SSBP2: variants seen among roughly 807,000 people sequenced by gnomAD.
SSBP2 encodes the protein single-stranded DNA-binding protein 2.
SSBP2 carries 17 observed loss-of-function variants against 61.8 expected under a neutral mutation model. That is an observed-to-expected ratio of 0.28 (90% confidence interval 0.19 to 0.41). The LOEUF is 0.41. Among genes scored for constraint, SSBP2 ranks in the 10% least tolerant of loss-of-function variants. The probability of loss-of-function intolerance (pLI) is 1.00; values close to 1 mark genes in which losing one functional copy is unlikely to be tolerated. For missense variants in SSBP2, 310 were observed against 458.7 expected (o/e 0.68, Z 2.96); for synonymous variants, 139 against 141.3 (o/e 0.98, Z 0.12).
chr5:81,692,622 G>A (rs1289898844), intron 1 of SSBP2, among the ~76,000 whole-genome samples: 3 of 152,150 alleles, frequency 2.0e-5, no homozygotes, highest in African/African-American at 7.2e-5. Flanking sequence ...CACAGCTATA[G>A]TAACCCAAAC....
intron 4 of SSBP2, among the ~76,000 whole-genome samples, chr5:81,567,072 T>C (rs1376078028): frequency 6.6e-6 from 1 of 152,206 alleles, no homozygotes; most frequent in Non-Finnish European, 1.5e-5. Context: ...AAATCCCATT[T>C]TCTGAGGAGA....
chr5:81,611,410 T>C (rs1411958230), intron 4 of SSBP2, among the ~76,000 whole-genome samples: 2 of 152,192 alleles, frequency 1.3e-5, no homozygotes, highest in African/African-American at 2.4e-5. Context: ...TATAAAAATA[T>C]GACTCTACAA....
At chr5:81,723,470 G>A (rs556509456) in intron 1 of SSBP2, among the ~76,000 whole-genome samples, 1 of 151,936 alleles carries the variant, frequency 6.6e-6, no homozygotes, top group African/African-American at 2.4e-5. Flanking sequence ...TATTCACAAT[G>A]GTACATAAAA....
Position 81,417,244 on chromosome 5 carries a change from G to C in SSBP2, c.*3260C>G, listed in dbSNP as rs1761345460. On this transcript the variant is annotated 3_prime_UTR_variant, in exon 17 of 17. Transcript: ENST00000320672. ...ACTCCATACTGGAACATTTTCAAAG[G>C]AGTGCTAATAAGATTCACCCATCAA... 1 of 152,142 alleles carries C rather than the reference G, an allele frequency of 6.6e-6. No homozygotes were observed. Among genetic ancestry groups the C allele is most frequent in the Non-Finnish European group, 1.5e-5 (1 of 68,032 alleles). The allele number at this position is 152,142 out of a possible 1,614,324, so 9.4% of individuals were successfully genotyped here.
intron 4 of SSBP2, among the ~76,000 whole-genome samples, chr5:81,552,026 CACTT>C (rs1318582658): frequency 6.6e-5 from 10 of 152,272 alleles, no homozygotes; most frequent in South Asian, 4.1e-4. Flanking sequence ...ACTGTGATCT[CACTT>C]ACATTCCTTT....
chr5:81,471,836 T>TC (rs911762695), intron 8 of SSBP2, among the ~76,000 whole-genome samples: 2 of 151,752 alleles, frequency 1.3e-5, no homozygotes, highest in Admixed American at 6.6e-5. Context: ...GTTTTTTTTT[T>TC]CCTATAATAT....
Position 81,416,297 on chromosome 5 carries a change from G to C in SSBP2, c.*4207C>G, listed in dbSNP as rs1304588601. 6.6e-6 allele frequency: 1 copy of C among 152,076 alleles called. No homozygotes were observed. Among genetic ancestry groups the C allele is most frequent in the African/African-American group, 2.4e-5 (1 of 41,428 alleles). 9.4% of individuals were successfully genotyped at this position (152,076 alleles called of 1,614,324 possible). A position where few individuals can be genotyped will look rare whatever the true frequency, so the allele number is the denominator to read the frequency against. On this transcript the variant is annotated 3_prime_UTR_variant, in exon 17 of 17. Coordinates refer to ENST00000320672, the MANE Select transcript of SSBP2 (RefSeq NM_012446.5). Reference sequence around the variant, plus strand: ...ATGCATTCCAAAATCAAAATCAAGTGGCTATGATTTGTGGCACTCCTTCGA... The same window carrying C: ...ATGCATTCCAAAATCAAAATCAAGTCGCTATGATTTGTGGCACTCCTTCGA...
intron 1 of SSBP2, among the ~76,000 whole-genome samples, chr5:81,680,582 T>A (rs556151802): frequency 6.6e-6 from 1 of 152,142 alleles, no homozygotes; most frequent in Non-Finnish European, 1.5e-5. Flanking sequence ...AGATATACCA[T>A]GCTAATGCCA....
intron 5 of SSBP2, among the ~76,000 whole-genome samples, chr5:81,493,114 T>TA (rs1223828946): frequency 2.0e-5 from 3 of 151,754 alleles, no homozygotes; most frequent in Non-Finnish European, 4.4e-5. Flanking sequence ...TGTGTCAGAT[T>TA]AAAGGTCAAT....
intron 5 of SSBP2, among the ~76,000 whole-genome samples, chr5:81,493,525 G>T (rs942460356): frequency 2.0e-5 from 3 of 152,146 alleles, no homozygotes; most frequent in Non-Finnish European, 4.4e-5. Context: ...GGAGGCCAAG[G>T]TGGGCGGATC....
chr5:81,466,808 A>G (rs182466508), intron 9 of SSBP2, among the ~76,000 whole-genome samples, 166 bp downstream of exon 9: 3 of 152,148 alleles, frequency 2.0e-5, no homozygotes, highest in Non-Finnish European at 4.4e-5. Context: ...TGTTTAGTTC[A>G]TTTTTATACC....
intron 1 of SSBP2, among the ~76,000 whole-genome samples, chr5:81,658,167 T>G (rs1201637877): frequency 6.6e-6 from 1 of 152,174 alleles, no homozygotes; most frequent in Non-Finnish European, 1.5e-5. Context: ...CTCTTGAATG[T>G]ATTCCTAATC....
In SSBP2 at chr5:81,575,962, A is replaced by G. The variant is rs533151388; in HGVS notation, c.282+39511T>C. ...ATTCCATTTCTTTGCATTATTGTCA[A>G]TTCAATGCACTTACCACATACCTTA... On this transcript the variant is annotated intron_variant, in intron 4 of 16. Transcript: ENST00000320672. Among the ~76,000 whole-genome samples the G allele has an allele frequency of 7.2e-5, 11 of 152,310 alleles. No homozygotes were observed. The South Asian group carries it at 2.3e-3, about 32-fold the overall frequency.
intron 1 of SSBP2, among the ~76,000 whole-genome samples, chr5:81,667,579 C>T (rs912765741): frequency 1.3e-5 from 2 of 151,974 alleles, no homozygotes; most frequent in Non-Finnish European, 2.9e-5. Context: ...CAACATGTAA[C>T]TATAGCCAGA....
chr5:81,545,113 G>A (rs997721294), intron 4 of SSBP2, among the ~76,000 whole-genome samples: 7 of 152,174 alleles, frequency 4.6e-5, no homozygotes, highest in African/African-American at 1.7e-4. Flanking sequence ...TAAGTATACA[G>A]AGAGCACAGC....
Position 81,415,922 on chromosome 5 carries a change from A to AAAAAAAGAAAAG in SSBP2, c.*4581_*4582insCTTTTCTTTTTT, listed in dbSNP as rs1554059160. On this transcript the variant is annotated 3_prime_UTR_variant, in exon 17 of 17. Transcript: ENST00000320672. ...GCAAGATTCTGACTCAAAAAAAAAA[A>AAAAAAAGAAAAG]AAAAAAAGAGGAAAACCTGATCAAG... The AAAAAAAGAAAAG allele has an allele frequency of 9.5e-5, 7 of 73,752 alleles. 2 individuals are homozygous for AAAAAAAGAAAAG. In the African/African-American group the frequency reaches 1.0e-3, roughly 11 times the overall value. The allele number at this position is 73,752 out of a possible 1,614,324, so 4.6% of individuals were successfully genotyped here.
chr5:81,569,967 GTT>G (rs1773714984), intron 4 of SSBP2, among the ~76,000 whole-genome samples: 1 of 151,998 alleles, frequency 6.6e-6, no homozygotes, highest in Non-Finnish European at 1.5e-5. Flanking sequence ...TGACTGGCTA[GTT>G]TTATCTTACT....
At chr5:81,688,629 A>T (rs1368632964) in intron 1 of SSBP2, among the ~76,000 whole-genome samples, 4 of 152,232 alleles carry the variant, frequency 2.6e-5, no homozygotes, top group African/African-American at 9.6e-5. Context: ...CAGGTAATCC[A>T]GGGAAAGCTT....
At chr5:81,726,541 C>T (rs1376856315) in intron 1 of SSBP2, among the ~76,000 whole-genome samples, 1 of 152,204 alleles carries the variant, frequency 6.6e-6, no homozygotes, top group Non-Finnish European at 1.5e-5. Flanking sequence ...AACCTGCATA[C>T]TATTACCAAC....
Sources: gnomAD v4.1 joint callset for allele counts (sites outside exome capture counted in the v4.1 genomes callset) on GRCh38, gnomAD v4.1.1 for gene constraint, MANE v1.5 for transcripts, NCBI Gene and HGNC (gene_info 2026-07-23, HGNC 2026-07-21) for gene names.